Variants in HLCS observed in about 807,000 individuals in gnomAD.
HLCS encodes holocarboxylase synthetase.
HLCS carries 53 observed loss-of-function variants against 75.0 expected under a neutral mutation model. That is an observed-to-expected ratio of 0.71 (90% CI 0.57 to 0.89). HLCS has a LOEUF of 0.89. HLCS is among the 40% of genes least tolerant of loss of function. The pLI is 0.00. For missense variants in HLCS, 966 were observed against 1,074.0 expected (o/e 0.90, Z 1.41); for synonymous variants, 431 against 428.6 (o/e 1.01, Z -0.07).
rs181328573 is a variant in HLCS, at chr21:36,778,157, G to C, written c.1893-10872C>G. 3.1e-3 allele frequency among the ~76,000 whole-genome samples: 476 copies of C among 152,110 alleles called. 14 individuals are homozygous for C. The highest frequency in any genetic ancestry group is 0.029 in the Admixed American group (444 of 15,274). On this transcript the variant is annotated intron_variant, in intron 6 of 10. Coordinates refer to ENST00000674895, the MANE Select transcript of HLCS (RefSeq NM_001352514.2). ...CTAATTTTTTTGTATTTTTAGTAGA[G>C]ATGGGGTTTCACCATGTTAGCCAGG...
rs2062634679 is a variant in HLCS, at chr21:36,842,082, C to T, written c.1892+54778G>A. On this transcript the variant is annotated intron_variant, in intron 6 of 10. Coordinates refer to ENST00000674895, the MANE Select transcript of HLCS (RefSeq NM_001352514.2). The surrounding 1 kb of genome is among the most constrained non-coding windows in gnomAD (Gnocchi z 4.2). Reference sequence around the variant, plus strand: ...CCCCAAACCAGAAACAACCCAAATGCCCGTTAATAGTAGAAGATAAACAAA... The same window carrying T: ...CCCCAAACCAGAAACAACCCAAATGTCCGTTAATAGTAGAAGATAAACAAA... 6.6e-6 allele frequency among the ~76,000 whole-genome samples: 1 copy of T among 152,138 alleles called. No homozygotes were observed. Among genetic ancestry groups the T allele is most frequent in the Non-Finnish European group, 1.5e-5 (1 of 68,038 alleles).
Position 36,936,935 on chromosome 21 carries a change from G to T in HLCS, c.951C>A (p.Ser317=). The change falls in exon 4 of 11, where the codon TCC becomes TCA. Residue 317 remains serine (S), a synonymous_variant. Coordinates refer to ENST00000674895, the MANE Select transcript of HLCS (RefSeq NM_001352514.2). ...KAPNILLYVG[S]DSQEALGRFH... is the part of the protein sequence containing the mutation. The stretch of plus-strand genomic sequence containing the variant: ...ACCGGCCGAGGGCTTCCTGGGAGTC[G>T]GAGCCCACATAGAGGAGGATGTTGG... The T allele has an allele frequency of 6.2e-7, 1 of 1,614,158 alleles. No homozygotes were observed. Among genetic ancestry groups the T allele is most frequent in the Non-Finnish European group, 8.5e-7 (1 of 1,180,026 alleles).
intron 1 of HLCS, among the ~76,000 whole-genome samples, chr21:36,981,751 A>G (rs2069126349): frequency 6.6e-6 from 1 of 152,044 alleles, no homozygotes; most frequent in Admixed American, 6.6e-5. Context: ...TACCCTAAGG[A>G]TGGAGTCCTA....
chr21:36,764,845 A>G (rs1487305424), intron 8 of HLCS, among the ~76,000 whole-genome samples, 167 bp downstream of exon 8: 2 of 152,286 alleles, frequency 1.3e-5, no homozygotes, highest in African/African-American at 2.4e-5. Flanking sequence ...AAGCAGCATT[A>G]GCACCTGGTG....
At chr21:36,979,326 T>C (rs1357740778) in intron 1 of HLCS, among the ~76,000 whole-genome samples, 1 of 151,028 alleles carries the variant, frequency 6.6e-6, no homozygotes, top group African/African-American at 2.4e-5. Context: ...AAACCCTTGA[T>C]GCTATAAATT....
intron 1 of HLCS, among the ~76,000 whole-genome samples, chr21:36,973,143 T>C (rs1014133568): frequency 6.6e-6 from 1 of 150,994 alleles, no homozygotes; most frequent in Non-Finnish European, 1.5e-5. Context: ...GGTAGGAGGA[T>C]CACTTGAGCC....
intron 2 of HLCS, 116 bp from the exon 3 acceptor site, chr21:36,939,110 T>G: frequency 2.2e-6 from 2 of 902,256 alleles, no homozygotes; most frequent in Non-Finnish European, 3.3e-6. Flanking sequence ...ATTACAGTCA[T>G]TAATAACAAA....
intron 6 of HLCS, among the ~76,000 whole-genome samples, chr21:36,877,655 A>G (rs1306308047): frequency 6.6e-6 from 1 of 152,040 alleles, no homozygotes; most frequent in Non-Finnish European, 1.5e-5. Context: ...GAGTATTTTA[A>G]ATTTACCCAG....
At chr21:36,911,889 G>A (rs2146403234) in intron 5 of HLCS, among the ~76,000 whole-genome samples, 1 of 151,910 alleles carries the variant, frequency 6.6e-6, no homozygotes, top group South Asian at 2.1e-4. Flanking sequence ...TGACCAACAT[G>A]GTGAAACCCT....
chr21:36,874,165 C>A (rs917568373), intron 6 of HLCS, among the ~76,000 whole-genome samples: 3 of 152,222 alleles, frequency 2.0e-5, no homozygotes, highest in Admixed American at 1.3e-4. Context: ...AAACACATTT[C>A]TTTCCCCATC....
At chr21:36,986,391 C>G (rs976300513) in intron 1 of HLCS, among the ~76,000 whole-genome samples, 2 of 152,158 alleles carry the variant, frequency 1.3e-5, no homozygotes. Context: ...TGAGTCATGA[C>G]TGTGTTAGTT....
chr21:36,856,869 G>A (rs1044654949), intron 6 of HLCS, among the ~76,000 whole-genome samples: 6 of 152,194 alleles, frequency 3.9e-5, no homozygotes, highest in East Asian at 1.9e-4. Flanking sequence ...TTACTAGCAC[G>A]TAAAACCACA....
intron 2 of HLCS, among the ~76,000 whole-genome samples, chr21:36,957,400 G>A (rs2068021699): frequency 1.3e-5 from 2 of 152,086 alleles, no homozygotes; most frequent in South Asian, 4.1e-4. Context: ...TTCCTGTATG[G>A]CTCGCAGAAC....
At chr21:36,905,312 G>A (rs1569172725) in intron 5 of HLCS, among the ~76,000 whole-genome samples, 1 of 152,144 alleles carries the variant, frequency 6.6e-6, no homozygotes, top group East Asian at 1.9e-4. Context: ...GTAATCAAGA[G>A]GTAAAACTCA....
At chr21:36,948,471 G>A (rs57661443) in intron 2 of HLCS, among the ~76,000 whole-genome samples, 1,959 of 152,018 alleles carry the variant, frequency 0.013, 37 homozygotes, top group African/African-American at 0.045. Flanking sequence ...GCTCATGCCT[G>A]TAATCCCAGC....
At position 36,815,416 on chromosome 21, in the gene HLCS, C is replaced by T. The variant is rs552125439; in HGVS notation, c.1893-48131G>A. On this transcript the variant is annotated intron_variant, in intron 6 of 10. Coordinates refer to ENST00000674895, the MANE Select transcript of HLCS (RefSeq NM_001352514.2). Reference sequence around the variant, plus strand: ...TCTAATTCTGCACTGTGAGAAATAACCACTACTGTCATCCACACTAAGACA... The same window carrying T: ...TCTAATTCTGCACTGTGAGAAATAATCACTACTGTCATCCACACTAAGACA... 5.1e-4 allele frequency among the ~76,000 whole-genome samples: 78 copies of T among 152,272 alleles called. No homozygotes were observed. In the Middle Eastern group the frequency reaches 0.02, roughly 40 times the overall value.
At chr21:36,934,197 C>A (rs948293083) in intron 4 of HLCS, among the ~76,000 whole-genome samples, 3 of 152,084 alleles carry the variant, frequency 2.0e-5, no homozygotes, top group African/African-American at 7.2e-5. Flanking sequence ...TGTAACTTGG[C>A]TTCTTGTAAA....
rs778152679 is a variant in HLCS at position 36,938,952 on chromosome 21, G to A, written c.373C>T (p.Pro125Ser). Residue 125 changes from proline (P) to serine (S), a missense_variant, in exon 3 of 11, where the codon CCT (proline) becomes TCT (serine). Coordinates refer to ENST00000674895, the MANE Select transcript of HLCS (RefSeq NM_001352514.2). ...GCAATTAGCCGATAAGGATCCCCAG[G>A]TCTGCAAGCTAATGGCAAACAACAG... ...SDCCLPLACR[P>S]GDPYRLIAEA... is the part of the protein sequence containing the mutation. 5.6e-6 allele frequency: 9 copies of A among 1,612,264 alleles called. No homozygotes were observed. The highest frequency in any genetic ancestry group is 6.8e-6 in the Non-Finnish European group (8 of 1,179,982).
chr21:36,888,435 AAAAAAAAAAAATATATATATATAT>A (rs1389948465), intron 6 of HLCS, among the ~76,000 whole-genome samples: 39 of 24,912 alleles, frequency 1.6e-3, no homozygotes, highest in African/African-American at 4.3e-3. Flanking sequence ...TCCCATTTAA[AAAAAAAAAAAATATATATATATAT>A]ATATATATAT....
Sources: allele counts gnomAD v4.1 joint callset (sites outside exome capture counted in the v4.1 genomes callset), GRCh38; gene constraint gnomAD v4.1.1; non-coding constraint Gnocchi (gnomAD v3.1); transcripts MANE v1.5; gene names NCBI Gene and HGNC (gene_info 2026-07-23, HGNC 2026-07-21).